The following PDZD8 variants were observed in gnomAD, a reference collection of about 807,000 sequenced individuals.
PDZD8 encodes the protein PDZ domain containing 8.
In PDZD8, 14 loss-of-function variants were observed where a neutral mutation model predicts 85.8. The ratio of observed to expected loss-of-function variants is 0.16; its 90% CI spans 0.11 to 0.26. The LOEUF (loss-of-function observed/expected upper bound fraction) is 0.26. Among genes scored for constraint, PDZD8 ranks in the 10% least tolerant of loss-of-function variants. The pLI is 1.00. For missense variants in PDZD8, 1,197 were observed against 1,424.3 expected (o/e 0.84, Z 2.57); for synonymous variants, 592 against 568.6 (o/e 1.04, Z -0.59).
At chr10:117,308,023 T>C (rs918058768) in intron 3 of PDZD8, among the ~76,000 whole-genome samples, 2 of 152,136 alleles carry the variant, frequency 1.3e-5, no homozygotes, top group Non-Finnish European at 2.9e-5. Context: ...GCTTTAAAAC[T>C]TTCTGTTATT....
chr10:117,344,944 T>C (rs1021085879), intron 1 of PDZD8, among the ~76,000 whole-genome samples: 5 of 152,108 alleles, frequency 3.3e-5, no homozygotes, highest in Non-Finnish European at 7.4e-5. Flanking sequence ...CCCTGGCTCA[T>C]GAGGAAGTGG....
intron 3 of PDZD8, among the ~76,000 whole-genome samples, chr10:117,317,064 T>C (rs1343193107): frequency 2.6e-5 from 4 of 152,214 alleles, no homozygotes; most frequent in Non-Finnish European, 5.9e-5. Context: ...GAGGAAGCTA[T>C]GTTCCTAGAT....
intron 4 of PDZD8, 78 bp downstream of exon 4, chr10:117,290,108 A>T: frequency 1.6e-6 from 2 of 1,254,144 alleles, no homozygotes; most frequent in Non-Finnish European, 2.2e-6. Flanking sequence ...ATAAGGAAAA[A>T]GGAAGAAAGG....
chr10:117,310,343 ATT>A (rs1295410570), intron 3 of PDZD8, among the ~76,000 whole-genome samples: 33 of 152,244 alleles, frequency 2.2e-4, no homozygotes, highest in African/African-American at 7.5e-4. Flanking sequence ...TGTTGCTCTG[ATT>A]TCCCTACTAC....
At chr10:117,304,873 G>A (rs1253945281) in intron 3 of PDZD8, among the ~76,000 whole-genome samples, 1 of 152,104 alleles carries the variant, frequency 6.6e-6, no homozygotes, top group East Asian at 1.9e-4. Context: ...CCAGTTTCAG[G>A]TATGTCTTTA....
At chr10:117,332,440 C>T (rs1244774211) in intron 2 of PDZD8, among the ~76,000 whole-genome samples, 1 of 151,374 alleles carries the variant, frequency 6.6e-6, no homozygotes, top group Non-Finnish European at 1.5e-5. Flanking sequence ...TTTTCCAAAA[C>T]CTACACTTCT....
chr10:117,295,602 T>C (rs1843741935), intron 3 of PDZD8, among the ~76,000 whole-genome samples: 1 of 152,060 alleles, frequency 6.6e-6, no homozygotes, highest in Non-Finnish European at 1.5e-5. Context: ...AAAACAGAAG[T>C]ATAGACTAAT....
Position 117,283,954 on chromosome 10 carries a change from A to G in PDZD8, c.2779T>C (p.Ser927Pro), listed in dbSNP as rs1315708799. Residue 927 changes from serine (S) to proline (P), a missense_variant, in exon 5 of 5, where the codon TCA (serine) becomes CCA (proline). Coordinates refer to ENST00000334464, the MANE Select transcript of PDZD8 (RefSeq NM_173791.5). ...GTCAAACCTGTTGTTTTATTGACTG[A>G]CTTGCTAGCTTCAGCATCAACACGA... is the stretch of plus-strand genomic sequence containing the variant. ...PPRVDAEASK[S>P]VNKTTGLTRH... 1 of 1,614,184 alleles carries G rather than the reference A, an allele frequency of 6.2e-7. No individual in the cohort carries two copies. The highest frequency in any genetic ancestry group is 1.7e-5 in the Admixed American group (1 of 60,020).
chr10:117,285,754 T>C (rs1192504146), intron 4 of PDZD8: 24 of 1,095,698 alleles, frequency 2.2e-5, no homozygotes, highest in Non-Finnish European at 2.6e-5. Flanking sequence ...TAACTCCTAA[T>C]TGCTTTCTAT....
At chr10:117,353,799 T>C (rs1844847980) in intron 1 of PDZD8, among the ~76,000 whole-genome samples, 1 of 152,152 alleles carries the variant, frequency 6.6e-6, no homozygotes, top group Admixed American at 6.5e-5. Context: ...AACTATTTTC[T>C]TGACTTTTAA....
intron 1 of PDZD8, among the ~76,000 whole-genome samples, chr10:117,373,060 T>C (rs1479667226): frequency 6.6e-6 from 1 of 152,106 alleles, no homozygotes; most frequent in African/African-American, 2.4e-5. Flanking sequence ...TCTTAGTGAA[T>C]ACAAAATTAA....
chr10:117,302,242 T>C (rs531668670), intron 3 of PDZD8, among the ~76,000 whole-genome samples: 3 of 152,246 alleles, frequency 2.0e-5, no homozygotes, highest in South Asian at 4.1e-4. Context: ...CCCACTATAT[T>C]CTCAATCATT....
At chr10:117,316,544 G>A (rs1844132217) in intron 3 of PDZD8, among the ~76,000 whole-genome samples, 1 of 151,964 alleles carries the variant, frequency 6.6e-6, no homozygotes, top group Non-Finnish European at 1.5e-5. Context: ...ATAGATGAGT[G>A]TAGTGGTGCA....
Position 117,305,693 on chromosome 10 carries a change from C to T in PDZD8, c.1098+13179G>A, listed in dbSNP as rs183802363. Reference sequence around the variant, plus strand: ...TGATACGAAGTTTCAGATTTCAGAGCATTTCAGATTTTTGGATTTGGAATG... The same window carrying T: ...TGATACGAAGTTTCAGATTTCAGAGTATTTCAGATTTTTGGATTTGGAATG... On this transcript the variant is annotated intron_variant, in intron 3 of 4. Transcript: ENST00000334464. 2.1e-3 allele frequency among the ~76,000 whole-genome samples: 327 copies of T among 152,178 alleles called. 1 individual carries two copies. The highest frequency in any genetic ancestry group is 2.6e-3 in the Non-Finnish European group (175 of 68,000).
chr10:117,329,967 GGGAAGGAAGGAA>G (rs1202100897), intron 2 of PDZD8, among the ~76,000 whole-genome samples: 28 of 57,114 alleles, frequency 4.9e-4, no homozygotes, highest in South Asian at 1.2e-3. Context: ...GAGGGAGGAA[GGGAAGGAAGGAA>G]GGAAGGAAGG....
rs764770025 is a variant in PDZD8 at position 117,374,119 on chromosome 10, T to C, written c.872+237A>G. On this transcript the variant is annotated intron_variant, in intron 1 of 4. Coordinates refer to ENST00000334464, the MANE Select transcript of PDZD8 (RefSeq NM_173791.5). The surrounding 1 kb of genome is among the most constrained non-coding windows in gnomAD (Gnocchi z 7.8). ...ATAAAAGGAGACGATTCTGCCCGCG[T>C]TGACAGCACCCTGAGTCCCCATGAA... Among the ~76,000 whole-genome samples the C allele has an allele frequency of 6.6e-6, 1 of 152,216 alleles. No individual in the cohort carries two copies. Among genetic ancestry groups the C allele is most frequent in the African/African-American group, 2.4e-5 (1 of 41,458 alleles).
intron 4 of PDZD8, 173 bp from the exon 5 acceptor site, chr10:117,285,644 G>A (rs1478087023): frequency 2.6e-6 from 3 of 1,171,672 alleles, no homozygotes; most frequent in Non-Finnish European, 3.3e-6. Context: ...GGATGAATCA[G>A]TGTGCTAATT....
chr10:117,332,759 G>A (rs1050136682), intron 2 of PDZD8, among the ~76,000 whole-genome samples: 4 of 150,792 alleles, frequency 2.7e-5, no homozygotes, highest in Non-Finnish European at 3.0e-5. Context: ...CACCCACCTC[G>A]GCCTCCCAAA....
At chr10:117,305,451 CACACATATAT>C (rs1171628815) in intron 3 of PDZD8, among the ~76,000 whole-genome samples, 4 of 143,684 alleles carry the variant, frequency 2.8e-5, no homozygotes, top group Admixed American at 2.1e-4. Context: ...CACACACACA[CACACATATAT>C]ACACACACAT....
Sources: allele counts gnomAD v4.1 joint callset (sites outside exome capture counted in the v4.1 genomes callset), GRCh38; gene constraint gnomAD v4.1.1; non-coding constraint Gnocchi (gnomAD v3.1); transcripts MANE v1.5; gene names NCBI Gene and HGNC (gene_info 2026-07-23, HGNC 2026-07-21).